PSD3: variants seen among roughly 807,000 people sequenced by gnomAD.
PSD3 encodes pleckstrin and Sec7 domain containing 3, also known as PH and SEC7 domain-containing protein 3.
PSD3 carries 49 observed loss-of-function variants against 105.5 expected under a neutral mutation model. The observed-to-expected ratio is 0.46, with a 90% CI of 0.37 to 0.59. The LOEUF (loss-of-function observed/expected upper bound fraction) is 0.59, where lower values mean the gene tolerates loss of function less well. Ranked by LOEUF, PSD3 falls within the 20% of genes least tolerant of loss-of-function variation. The pLI, the probability that PSD3 is intolerant of heterozygous loss-of-function variation, is 0.00. For synonymous variants in PSD3, 557 were observed against 457.8 expected, an observed-to-expected ratio of 1.22 and a Z score of -2.77; for missense variants, 1,561 against 1,263.8, an observed-to-expected ratio of 1.24 and a Z score of -3.57.
At chr8:18,687,772 G>T (rs190180646) in intron 9 of PSD3, among the ~76,000 whole-genome samples, 1 of 151,888 alleles carries the variant, frequency 6.6e-6, no homozygotes, top group African/African-American at 2.4e-5. Flanking sequence ...ATATATTTTT[G>T]CTATTTTTTT....
At chr8:18,604,151 T>C (rs909583598) in intron 11 of PSD3, among the ~76,000 whole-genome samples, 1 of 152,126 alleles carries the variant, frequency 6.6e-6, no homozygotes, top group African/African-American at 2.4e-5. Context: ...ACTGAAAGTT[T>C]GGAAATTCCC....
chr8:18,571,694 C>T (rs927595671), intron 14 of PSD3, among the ~76,000 whole-genome samples: 1 of 152,174 alleles, frequency 6.6e-6, no homozygotes, highest in African/African-American at 2.4e-5. Flanking sequence ...GATAATTGCT[C>T]CCTCTCTTGC....
chr8:18,936,239 A>G (rs1163383305), intron 1 of PSD3, 97 bp from the exon 2 acceptor site: 3 of 803,022 alleles, frequency 3.7e-6, no homozygotes, highest in Non-Finnish European at 6.3e-6. Context: ...TAAAATAATT[A>G]TGACATATGT....
At chr8:18,998,215 T>A (rs1421694776) in intron 1 of PSD3, among the ~76,000 whole-genome samples, 2 of 151,978 alleles carry the variant, frequency 1.3e-5, no homozygotes, top group African/African-American at 4.8e-5. Context: ...GGTATGCACA[T>A]ATATTCAGAT....
rs34940639 is a variant in PSD3 at position 18,532,178 on chromosome 8, A to G, written c.*3565T>C. The G allele has an allele frequency of 0.024, 3,581 of 152,370 alleles. 66 individuals carry two copies. The highest frequency in any genetic ancestry group is 0.062 in the Admixed American group (942 of 15,306). 9.4% of individuals were successfully genotyped at this position (152,370 alleles called of 1,614,324 possible). The stretch of plus-strand genomic sequence containing the variant: ...TGCCTCTCATCCTTCCCAGATCTTT[A>G]CATGATAGAGGGAGCAATAGGCAAA... On this transcript the variant is annotated 3_prime_UTR_variant, in exon 16 of 16. Transcript: ENST00000327040.
Position 18,871,912 on chromosome 8 carries a change from G to A in PSD3, c.952C>T (p.His318Tyr), listed in dbSNP as rs774899820. 2 of 1,614,238 alleles carry A rather than the reference G, an allele frequency of 1.2e-6. No individual in the cohort carries two copies. The highest frequency in any genetic ancestry group is 2.2e-5 in the South Asian group (2 of 91,082). ...WTGGDKRETQ[H>Y]PIDFETSLQR... is the part of the protein sequence containing the mutation. ...AGTGATGTCTCAAAATCTATAGGAT[G>A]CTGGGTCTCTCTCTTGTCTCCTCCT... is the stretch of plus-strand genomic sequence containing the variant. Residue 318 changes from histidine (H) to tyrosine (Y), a missense_variant, in exon 3 of 16, where the codon CAT becomes TAT. Transcript: ENST00000327040.
intron 14 of PSD3, among the ~76,000 whole-genome samples, chr8:18,571,850 A>G (rs1585271670): frequency 6.6e-6 from 1 of 152,206 alleles, no homozygotes; most frequent in East Asian, 1.9e-4. Context: ...TAACTAGTCA[A>G]TGGCAAGGGG....
intron 9 of PSD3, among the ~76,000 whole-genome samples, chr8:18,752,635 TA>T (rs1563225915): frequency 1.3e-5 from 1 of 75,626 alleles, no homozygotes; most frequent in Non-Finnish European, 2.3e-5. Context: ...TTATATATAA[TA>T]TATATAATAT....
At chr8:18,998,848 G>A (rs1345233458) in intron 1 of PSD3, among the ~76,000 whole-genome samples, 1 of 151,756 alleles carries the variant, frequency 6.6e-6, no homozygotes, top group Admixed American at 6.6e-5. Flanking sequence ...ATAAATTCCA[G>A]GTGTAACCCA....
At chr8:18,825,267 C>A (rs968285374) in intron 4 of PSD3, among the ~76,000 whole-genome samples, 9 of 152,160 alleles carry the variant, frequency 5.9e-5, no homozygotes, top group Non-Finnish European at 1.0e-4. Flanking sequence ...AACTACTGCA[C>A]CAGTAGGTTT....
intron 9 of PSD3, among the ~76,000 whole-genome samples, chr8:18,663,472 G>A (rs1172055702): frequency 2.0e-5 from 3 of 150,954 alleles, no homozygotes; most frequent in Non-Finnish European, 4.4e-5. Context: ...AAATGTAATT[G>A]CTAATTATCT....
chr8:18,627,459 T>C (rs575834067), intron 11 of PSD3, among the ~76,000 whole-genome samples: 31 of 152,114 alleles, frequency 2.0e-4, no homozygotes, highest in Non-Finnish European at 3.4e-4. Context: ...AGTAGTGGGA[T>C]GGACAATTTC....
At chr8:18,691,799 C>T (rs1037030444) in intron 9 of PSD3, among the ~76,000 whole-genome samples, 6 of 152,022 alleles carry the variant, frequency 3.9e-5, no homozygotes, top group Admixed American at 1.3e-4. Flanking sequence ...ATCAGAGATC[C>T]CTGCCCTTGT....
At chr8:18,604,548 A>G (rs934551171) in intron 11 of PSD3, among the ~76,000 whole-genome samples, 1 of 152,226 alleles carries the variant, frequency 6.6e-6, no homozygotes, top group African/African-American at 2.4e-5. Context: ...GATAGAAAAA[A>G]AAAAGGCCTA....
chr8:18,535,857 C>G lies in PSD3; in HGVS notation c.3030G>C (p.Ser1010=), dbSNP rs547134848. Reference sequence around the variant, plus strand: ...AAGTATCCGGGTTCAGCGAAGGACTCGAGTGCGACTTCTTCAGTCCTGCAG... The same window carrying G: ...AAGTATCCGGGTTCAGCGAAGGACTGGAGTGCGACTTCTTCAGTCCTGCAG... ...SEAAGLKKSH[S]SPSLNPDTSP... The change falls in exon 16 of 16, where the codon TCG becomes TCC. Residue 1010 remains serine (S), a synonymous_variant. Coordinates refer to ENST00000327040, the MANE Select transcript of PSD3 (RefSeq NM_015310.4). 6.2e-7 allele frequency: 1 copy of G among 1,614,118 alleles called. No homozygotes were observed. The highest frequency in any genetic ancestry group is 8.5e-7 in the Non-Finnish European group (1 of 1,179,986).
At chr8:18,601,884 G>C (rs982990528) in intron 11 of PSD3, among the ~76,000 whole-genome samples, 4 of 152,200 alleles carry the variant, frequency 2.6e-5, no homozygotes, top group Non-Finnish European at 5.9e-5. Flanking sequence ...CAGGGCCTCA[G>C]GTGGCACAGT....
intron 1 of PSD3, among the ~76,000 whole-genome samples, chr8:19,070,164 A>T (rs1163536438): frequency 6.6e-6 from 1 of 151,972 alleles, no homozygotes; most frequent in Non-Finnish European, 1.5e-5. Context: ...ATTTCAGATG[A>T]ATTGTTATGG....
intron 6 of PSD3, chr8:18,803,388 A>AGTGTGTGTGTGTGTGTGT (rs1213067142): frequency 0.012 from 357 of 28,684 alleles, 1 homozygote; most frequent in Middle Eastern, 0.028. Flanking sequence ...CAATCTATAA[A>AGTGTGTGTGTGTGTGTGT]CTGTGTGTGT....
chr8:18,644,403 T>G (rs1449518215), intron 10 of PSD3, among the ~76,000 whole-genome samples: 1 of 152,240 alleles, frequency 6.6e-6, no homozygotes, highest in Non-Finnish European at 1.5e-5. Context: ...TGCTCATAAA[T>G]TCTGCCTTCC....
Sources: gnomAD v4.1 joint callset for allele counts (sites outside exome capture counted in the v4.1 genomes callset) on GRCh38, gnomAD v4.1.1 for gene constraint, MANE v1.5 for transcripts, NCBI Gene and HGNC (gene_info 2026-07-23, HGNC 2026-07-21) for gene names.